LNX1: variants seen among roughly 807,000 people sequenced by gnomAD.
LNX1 encodes the protein ligand of numb-protein X 1, also known as E3 ubiquitin-protein ligase LNX.
LNX1 carries 54 observed loss-of-function variants against 68.4 expected under a neutral mutation model. The ratio of observed to expected loss-of-function variants is 0.79; its 90% CI spans 0.63 to 0.99. LNX1 has a LOEUF of 0.99. Among genes scored for constraint, LNX1 ranks in the 50% least tolerant of loss-of-function variants. The pLI is 0.00. For synonymous variants in LNX1, 336 were observed against 350.0 expected (o/e 0.96, Z 0.45); for missense variants, 906 against 926.4 (o/e 0.98, Z 0.29).
rs767525508 is a variant in LNX1, at chr4:53,461,404, A to G, written c.2051+31T>C. 3.9e-6 allele frequency: 6 copies of G among 1,528,872 alleles called. No individual in the cohort carries two copies. The Admixed American group carries it at 5.3e-5, about 13-fold the overall frequency. 94.7% of individuals were successfully genotyped at this position (1,528,872 alleles called of 1,614,324 possible). On this transcript the variant is annotated intron_variant, in intron 10 of 10. Coordinates refer to ENST00000263925, the MANE Select transcript of LNX1 (RefSeq NM_001126328.3). ...TGGCATTTATGAAACAACATTTAATACAAGTATTTTTGATTAGTCATTATT... is the reference window on the plus strand; with the variant it reads ...TGGCATTTATGAAACAACATTTAATGCAAGTATTTTTGATTAGTCATTATT...
At chr4:53,483,777 T>C (rs1003572424) in intron 6 of LNX1, among the ~76,000 whole-genome samples, 2 of 152,200 alleles carry the variant, frequency 1.3e-5, no homozygotes, top group Non-Finnish European at 2.9e-5. Flanking sequence ...GGGATGGTTA[T>C]TGGGCTAGGG....
intron 1 of LNX1, among the ~76,000 whole-genome samples, chr4:53,650,374 A>G (rs1735050859): frequency 6.6e-6 from 1 of 152,188 alleles, no homozygotes; most frequent in Non-Finnish European, 1.5e-5. Context: ...GGGCATCTGC[A>G]TGGGCAGGGG....
intron 9 of LNX1, among the ~76,000 whole-genome samples, chr4:53,471,244 G>A (rs957345120): frequency 1.3e-5 from 2 of 151,860 alleles, no homozygotes; most frequent in Non-Finnish European, 2.9e-5. Context: ...ATGGGGAAAC[G>A]ATTCCCTATT....
chr4:53,477,704 A>G lies in LNX1; in HGVS notation c.1664-723T>C, dbSNP rs565388836. 5.9e-5 allele frequency among the ~76,000 whole-genome samples: 9 copies of G among 152,248 alleles called. No individual in the cohort carries two copies. The South Asian group carries it at 1.7e-3, about 28-fold the overall frequency. On this transcript the variant is annotated intron_variant, in intron 8 of 10. Coordinates refer to ENST00000263925, the MANE Select transcript of LNX1 (RefSeq NM_001126328.3). ...CCCTATTTCCATTTTCTATTTTTTTATCTTCATCCTGTTTTTTTCTGTCCC... is the reference window on the plus strand; with the variant it reads ...CCCTATTTCCATTTTCTATTTTTTTGTCTTCATCCTGTTTTTTTCTGTCCC...
chr4:53,572,705 C>T (rs1380043737), intron 2 of LNX1, among the ~76,000 whole-genome samples: 1 of 152,224 alleles, frequency 6.6e-6, no homozygotes, highest in East Asian at 1.9e-4. Flanking sequence ...TGTAAGTGGA[C>T]AAAATGAGAG....
chr4:53,531,017 T>A lies in LNX1; in HGVS notation c.381-22790A>T, dbSNP rs376469735. 2.0e-5 allele frequency among the ~76,000 whole-genome samples: 3 copies of A among 152,224 alleles called. No individual in the cohort carries two copies. In the South Asian group the frequency reaches 6.2e-4, roughly 32 times the overall value. ...CCGACTCCACAAAAAATACAAAAAATTAGCCGGTGTGGTGGTGTGTGCCTA... is the reference window on the plus strand; with the variant it reads ...CCGACTCCACAAAAAATACAAAAAAATAGCCGGTGTGGTGGTGTGTGCCTA... On this transcript the variant is annotated intron_variant, in intron 2 of 10. Transcript: ENST00000263925.
intron 9 of LNX1, among the ~76,000 whole-genome samples, chr4:53,468,158 C>T (rs1305111655): frequency 6.6e-6 from 1 of 152,180 alleles, no homozygotes; most frequent in Non-Finnish European, 1.5e-5. Flanking sequence ...AGAAACTCTA[C>T]AAGCCAGAAG....
intron 2 of LNX1, among the ~76,000 whole-genome samples, chr4:53,570,731 A>G (rs1363928863): frequency 6.6e-6 from 1 of 151,472 alleles, no homozygotes; most frequent in Non-Finnish European, 1.5e-5. Flanking sequence ...TATTTTCAAA[A>G]AAAAAGAATC....
intron 1 of LNX1, among the ~76,000 whole-genome samples, chr4:53,642,135 T>C (rs551498583): frequency 6.6e-6 from 1 of 151,430 alleles, no homozygotes; most frequent in African/African-American, 2.4e-5. Flanking sequence ...GATGGGAGGA[T>C]TGCTTGAGCT....
rs368478340 is a variant in LNX1 at position 53,550,878 on chromosome 4, G to A, written c.380+22745C>T. On this transcript the variant is annotated intron_variant, in intron 2 of 10. Coordinates refer to ENST00000263925, the MANE Select transcript of LNX1 (RefSeq NM_001126328.3). Reference sequence around the variant, plus strand: ...GGATACTGAAAAGCCAGACCAGGGCGTAATGGATAGATGGAAATAGATACA... The same window carrying A: ...GGATACTGAAAAGCCAGACCAGGGCATAATGGATAGATGGAAATAGATACA... 1.6e-4 allele frequency among the ~76,000 whole-genome samples: 24 copies of A among 152,292 alleles called. 1 individual carries two copies. In the South Asian group the frequency reaches 2.3e-3, roughly 14 times the overall value.
At chr4:53,532,346 C>T (rs1334013512) in intron 2 of LNX1, among the ~76,000 whole-genome samples, 2 of 151,996 alleles carry the variant, frequency 1.3e-5, no homozygotes, top group Admixed American at 6.6e-5. Flanking sequence ...CGTGTTGGCA[C>T]GCACTGTAGC....
intron 6 of LNX1, among the ~76,000 whole-genome samples, chr4:53,484,654 T>A (rs2109429312): frequency 6.6e-6 from 1 of 152,292 alleles, no homozygotes. Flanking sequence ...CAAATCTTCA[T>A]GACTTTGCAC....
At chr4:53,626,884 C>T (rs148933757) in intron 1 of LNX1, among the ~76,000 whole-genome samples, 3 of 152,318 alleles carry the variant, frequency 2.0e-5, no homozygotes, top group Admixed American at 2.0e-4. Flanking sequence ...TGCCAACAGT[C>T]TGAAATGGAA....
chr4:53,464,707 C>T (rs1051521053), intron 9 of LNX1, among the ~76,000 whole-genome samples: 2 of 152,046 alleles, frequency 1.3e-5, no homozygotes, highest in Admixed American at 6.5e-5. Flanking sequence ...ATAACTAAAC[C>T]ATTTTCTACT....
intron 7 of LNX1, among the ~76,000 whole-genome samples, chr4:53,481,186 G>A (rs1185534508): frequency 6.6e-6 from 1 of 152,170 alleles, no homozygotes; most frequent in Non-Finnish European, 1.5e-5. Flanking sequence ...AGAGTTTTCT[G>A]GATTTGAATG....
intron 6 of LNX1, among the ~76,000 whole-genome samples, chr4:53,489,903 A>T (rs1196930824): frequency 6.6e-6 from 1 of 152,134 alleles, no homozygotes; most frequent in Non-Finnish European, 1.5e-5. Context: ...TAAAAAAAAA[A>T]TACAGATCTA....
chr4:53,472,273 T>G (rs186505242), intron 9 of LNX1, among the ~76,000 whole-genome samples: 1 of 151,288 alleles, frequency 6.6e-6, no homozygotes, highest in Admixed American at 6.6e-5. Context: ...CACTCATAGG[T>G]GGGAATTGAA....
At chr4:53,474,947 T>C (rs1260264093) in intron 9 of LNX1, among the ~76,000 whole-genome samples, 4 of 152,202 alleles carry the variant, frequency 2.6e-5, no homozygotes, top group Non-Finnish European at 5.9e-5. Context: ...TTTGTATTTT[T>C]AGTAGAGATG....
At chr4:53,522,076 G>A (rs1220837612) in intron 2 of LNX1, among the ~76,000 whole-genome samples, 2 of 152,126 alleles carry the variant, frequency 1.3e-5, no homozygotes, top group Non-Finnish European at 1.5e-5. Context: ...CTACCAGCGA[G>A]AGCCACCACA....
Sources: gnomAD v4.1 joint callset for allele counts (sites outside exome capture counted in the v4.1 genomes callset) on GRCh38, gnomAD v4.1.1 for gene constraint, MANE v1.5 for transcripts, NCBI Gene and HGNC (gene_info 2026-07-23, HGNC 2026-07-21) for gene names.